The following ANKS1B variants were observed in gnomAD, a reference collection of about 807,000 sequenced individuals.
ANKS1B encodes the protein ankyrin repeat and sterile alpha motif domain-containing protein 1B.
In ANKS1B, 36 loss-of-function variants were observed where a neutral mutation model predicts 148.3. That is an observed-to-expected ratio of 0.24 (90% CI 0.19 to 0.32). The LOEUF is 0.32. Ranked by LOEUF, ANKS1B falls within the 10% of genes least tolerant of loss-of-function variation. The probability of loss-of-function intolerance (pLI) is 1.00; values close to 1 mark genes in which losing one functional copy is unlikely to be tolerated. For missense variants in ANKS1B, 1,157 were observed against 1,542.6 expected (o/e 0.75, Z 4.19); for synonymous variants, 542 against 560.8 (o/e 0.97, Z 0.47).
At chr12:98,900,468 A>G (rs1373474549) in intron 17 of ANKS1B, among the ~76,000 whole-genome samples, 1 of 152,252 alleles carries the variant, frequency 6.6e-6, no homozygotes, top group African/African-American at 2.4e-5. Context: ...CTTCAGAATT[A>G]TAATGCCAAA....
chr12:99,580,092 T>C (rs1420875947), intron 9 of ANKS1B, among the ~76,000 whole-genome samples: 2 of 152,058 alleles, frequency 1.3e-5, no homozygotes, highest in East Asian at 3.9e-4. Flanking sequence ...CAAATTAACA[T>C]AGGAACAGAA....
At chr12:99,365,895 G>A (rs944449605) in intron 12 of ANKS1B, among the ~76,000 whole-genome samples, 1 of 151,942 alleles carries the variant, frequency 6.6e-6, no homozygotes, top group Non-Finnish European at 1.5e-5. Context: ...AAACAAAATT[G>A]TATAAAAAAA....
chr12:99,443,832 C>T, intron 10 of ANKS1B, 23 bp from the exon 11 acceptor site: 3 of 1,597,086 alleles, frequency 1.9e-6, no homozygotes, highest in Non-Finnish European at 1.7e-6. Context: ...ATAGAACTGC[C>T]ATGAACCTAA....
At chr12:98,945,486 C>A (rs1215480542) in intron 17 of ANKS1B, among the ~76,000 whole-genome samples, 1 of 124,042 alleles carries the variant, frequency 8.1e-6, no homozygotes, top group Non-Finnish European at 1.5e-5. Flanking sequence ...CAGAGCCAGA[C>A]CCTGTCTCAA....
downstream of ANKS1B, among the ~76,000 whole-genome samples, chr12:98,741,826 G>A (rs2097801025): frequency 6.6e-6 from 1 of 152,206 alleles, no homozygotes; most frequent in African/African-American, 2.4e-5. Context: ...AACAGCTGAT[G>A]CTGCCTCTTA....
At chr12:99,096,560 A>T (rs758826665) in intron 15 of ANKS1B, among the ~76,000 whole-genome samples, 1 of 152,170 alleles carries the variant, frequency 6.6e-6, no homozygotes, top group Non-Finnish European at 1.5e-5. Context: ...CTCCACTAAG[A>T]AGAGCTCTTT....
At chr12:99,587,302 A>T (rs372883629) in intron 9 of ANKS1B, among the ~76,000 whole-genome samples, 1 of 152,200 alleles carries the variant, frequency 6.6e-6, no homozygotes, top group African/African-American at 2.4e-5. Flanking sequence ...TTGAAATTTG[A>T]CACAGGACCT....
chr12:98,936,843 G>T (rs954343900), intron 17 of ANKS1B, among the ~76,000 whole-genome samples: 9 of 152,068 alleles, frequency 5.9e-5, no homozygotes, highest in Admixed American at 5.2e-4. Flanking sequence ...ATTTTATCTT[G>T]TCTAAGTACT....
chr12:98,939,339 T>C (rs1273118060), intron 17 of ANKS1B, among the ~76,000 whole-genome samples: 1 of 152,252 alleles, frequency 6.6e-6, no homozygotes, highest in African/African-American at 2.4e-5. Context: ...AATTTGGGCA[T>C]TGCTGCTCTG....
At chr12:99,649,593 C>G (rs2291973) in intron 9 of ANKS1B, 6,762 of 540,338 alleles carry the variant, frequency 0.013, 303 homozygotes, top group East Asian at 0.1. Context: ...GCAAAAGCAG[C>G]CTTCAGAGGT....
intron 4 of ANKS1B, among the ~76,000 whole-genome samples, chr12:99,797,953 G>C (rs1414761944): frequency 6.6e-6 from 1 of 151,918 alleles, no homozygotes; most frequent in Non-Finnish European, 1.5e-5. Context: ...TGGAAGCTCA[G>C]TTGTGCATTT....
chr12:99,584,323 G>A (rs538272459), intron 9 of ANKS1B, among the ~76,000 whole-genome samples: 3 of 152,274 alleles, frequency 2.0e-5, no homozygotes, highest in African/African-American at 7.2e-5. Flanking sequence ...CTATAGGCCA[G>A]GCACCATGGC....
chr12:99,630,342 G>A (rs894754941), intron 9 of ANKS1B, among the ~76,000 whole-genome samples: 5 of 152,078 alleles, frequency 3.3e-5, no homozygotes, highest in African/African-American at 4.8e-5. Flanking sequence ...AGTTATCCCC[G>A]TTTCCATGGG....
chr12:99,385,259 A>G (rs957190415), intron 12 of ANKS1B, among the ~76,000 whole-genome samples: 1 of 152,180 alleles, frequency 6.6e-6, no homozygotes, highest in Admixed American at 6.6e-5. Context: ...ATTTGAAGTC[A>G]GGAGTTCGAG....
chr12:99,624,356 T>C (rs1479685373), intron 9 of ANKS1B, among the ~76,000 whole-genome samples: 1 of 152,086 alleles, frequency 6.6e-6, no homozygotes, highest in Non-Finnish European at 1.5e-5. Context: ...AAAGAGTTTA[T>C]GGCAATATCC....
At chr12:99,654,930 T>C in intron 9 of ANKS1B, 137 bp downstream of exon 9, 1 of 969,742 alleles carries the variant, frequency 1.0e-6, no homozygotes, top group Non-Finnish European at 1.5e-6. Flanking sequence ...ACTTGACACT[T>C]TGAGAAAAAC....
intron 9 of ANKS1B, among the ~76,000 whole-genome samples, chr12:99,523,861 T>C (rs935533488): frequency 3.9e-5 from 6 of 152,196 alleles, no homozygotes; most frequent in African/African-American, 1.4e-4. Context: ...CTATACAAGG[T>C]ATCTTCTGAG....
At chr12:98,837,301 C>T (rs143849125) in intron 17 of ANKS1B, among the ~76,000 whole-genome samples, 100 of 149,414 alleles carry the variant, frequency 6.7e-4, no homozygotes, top group African/African-American at 2.1e-3. Flanking sequence ...TACGCCACTG[C>T]ACTCCAGCCT....
chr12:99,462,570 A>C (rs976807902), intron 10 of ANKS1B, among the ~76,000 whole-genome samples: 1 of 152,228 alleles, frequency 6.6e-6, no homozygotes, highest in Non-Finnish European at 1.5e-5. Flanking sequence ...AGTTGTTCTC[A>C]GTGGCCCCTT....
Sources: gnomAD v4.1 joint callset for allele counts (sites outside exome capture counted in the v4.1 genomes callset) on GRCh38, gnomAD v4.1.1 for gene constraint, MANE v1.5 for transcripts, NCBI Gene and HGNC (gene_info 2026-07-23, HGNC 2026-07-21) for gene names.